PEBP4: variants seen among roughly 807,000 people sequenced by gnomAD.
PEBP4 encodes phosphatidylethanolamine binding protein 4.
In PEBP4, 22 loss-of-function variants were observed where a neutral mutation model predicts 23.9. The observed-to-expected ratio is 0.92, with a 90% CI of 0.66 to 1.31. PEBP4 has a LOEUF of 1.31. Ranked by LOEUF, PEBP4 falls within the 40% of genes most tolerant of loss-of-function variation. The pLI is 0.00. For missense variants in PEBP4, 324 were observed against 281.7 expected (o/e 1.15, Z -1.07); for synonymous variants, 112 against 99.3 (o/e 1.13, Z -0.76).
intron 3 of PEBP4, among the ~76,000 whole-genome samples, chr8:22,830,147 T>TGTGTGTGTGTGTGTGTGTGTG (rs1393564112): frequency 2.5e-5 from 2 of 80,942 alleles, no homozygotes; most frequent in African/African-American, 1.1e-4. Context: ...GTGTGTGTGT[T>TGTGTGTGTGTGTGTGTGTGTG]TTTACGGAGT....
intron 3 of PEBP4, among the ~76,000 whole-genome samples, chr8:22,919,972 A>G (rs551351802): frequency 1.3e-5 from 2 of 152,068 alleles, no homozygotes; most frequent in African/African-American, 4.8e-5. Flanking sequence ...CCATCACCAA[A>G]GTTTCCAGTC....
intron 3 of PEBP4, among the ~76,000 whole-genome samples, chr8:22,858,453 G>A (rs1807702216): frequency 6.6e-6 from 1 of 152,182 alleles, no homozygotes; most frequent in Middle Eastern, 3.2e-3. Context: ...ACTGTCAAAT[G>A]CTTGGCCCCA....
At chr8:22,792,894 C>T (rs902001163) in intron 4 of PEBP4, among the ~76,000 whole-genome samples, 1 of 152,194 alleles carries the variant, frequency 6.6e-6, no homozygotes, top group African/African-American at 2.4e-5. Context: ...CGAAAGAAAC[C>T]ACAGACTCCT....
At chr8:22,925,227 G>C in intron 2 of PEBP4, 1 of 985,396 alleles carries the variant, frequency 1.0e-6, no homozygotes, top group African/African-American at 1.7e-5. Flanking sequence ...ACATCTTCCT[G>C]GCATGCAACC....
chr8:22,759,401 CATA>C (rs1479727974), intron 4 of PEBP4, among the ~76,000 whole-genome samples: 1 of 151,912 alleles, frequency 6.6e-6, no homozygotes, highest in Non-Finnish European at 1.5e-5. Context: ...AAGCTCTCCC[CATA>C]ATAATGAAAG....
At chr8:22,815,324 G>A (rs1466590462) in intron 4 of PEBP4, among the ~76,000 whole-genome samples, 1 of 152,202 alleles carries the variant, frequency 6.6e-6, no homozygotes, top group Non-Finnish European at 1.5e-5. Flanking sequence ...GACCGACCGA[G>A]GTGGAAGTTC....
chr8:22,821,740 C>T (rs903914814), intron 3 of PEBP4, among the ~76,000 whole-genome samples: 1 of 151,724 alleles, frequency 6.6e-6, no homozygotes, highest in Non-Finnish European at 1.5e-5. Flanking sequence ...AATCCCAGCA[C>T]TTTGGGAGGC....
Position 22,898,389 on chromosome 8 carries a change from CCCAAAAAAAAAAAAAAAAAAA to C in PEBP4, c.258+21774_258+21794del, listed in dbSNP as rs1808634845. Among the ~76,000 whole-genome samples the C allele has an allele frequency of 4.0e-4, 35 of 86,688 alleles. 2 individuals are homozygous for C. The South Asian group carries it at 0.015, about 36-fold the overall frequency. 56.9% of individuals were successfully genotyped at this position (86,688 alleles called of 152,430 possible). A position where few individuals can be genotyped will look rare whatever the true frequency, so the allele number is the denominator to read the frequency against. On this transcript the variant is annotated intron_variant, in intron 3 of 6. Transcript: ENST00000256404. ...CCTGAGCGACAGAGGAAGACTCCAC[CCCAAAAAAAAAAAAAAAAAAA>C]AAAAAAAAAAAAAAAAAAAAACCCA...
At chr8:22,740,573 G>A (rs1427862305) in intron 4 of PEBP4, among the ~76,000 whole-genome samples, 2 of 152,118 alleles carry the variant, frequency 1.3e-5, no homozygotes, top group African/African-American at 4.8e-5. Flanking sequence ...AATTCCCCTG[G>A]GGTCTCTGGG....
chr8:22,935,366 C>G (rs541473075), intron 1 of PEBP4, among the ~76,000 whole-genome samples: 1 of 151,824 alleles, frequency 6.6e-6, no homozygotes, highest in African/African-American at 2.4e-5. Flanking sequence ...ACTAAAAATA[C>G]AAAAATTAGC....
chr8:22,792,107 C>A (rs944424461), intron 4 of PEBP4, among the ~76,000 whole-genome samples: 1 of 151,950 alleles, frequency 6.6e-6, no homozygotes, highest in Non-Finnish European at 1.5e-5. Flanking sequence ...GATCCACCTG[C>A]CCCAGCCTCC....
intron 3 of PEBP4, among the ~76,000 whole-genome samples, chr8:22,828,142 G>A (rs1176763236): frequency 6.6e-6 from 1 of 152,142 alleles, no homozygotes; most frequent in Non-Finnish European, 1.5e-5. Context: ...GAAAATGGAG[G>A]CAGCAGGGTG....
chr8:22,834,116 T>C (rs551419416), intron 3 of PEBP4, among the ~76,000 whole-genome samples: 205 of 152,300 alleles, frequency 1.3e-3, no homozygotes, highest in South Asian at 6.4e-3. Flanking sequence ...CAGCACCCAA[T>C]TGAGAAGCTG....
intron 4 of PEBP4, among the ~76,000 whole-genome samples, chr8:22,745,175 T>C (rs1805085972): frequency 6.6e-6 from 1 of 152,180 alleles, no homozygotes; most frequent in Non-Finnish European, 1.5e-5. Context: ...TCTTCCCAGC[T>C]CTCTCCTGGG....
chr8:22,724,770 C>T lies in PEBP4; in HGVS notation c.517+73G>A, dbSNP rs923470695. On this transcript the variant is annotated intron_variant, in intron 6 of 6. Transcript: ENST00000256404. ...GTGGGGGTCAAGGCCCCAATTTCCC[C>T]GTAAATGCCTGAAGCGTTTGTTCCA... 6.3e-5 allele frequency: 76 copies of T among 1,208,100 alleles called. 1 individual carries two copies. The highest frequency in any genetic ancestry group is 2.0e-4 in the South Asian group (16 of 78,600). 74.8% of individuals were successfully genotyped at this position (1,208,100 alleles called of 1,614,324 possible).
chr8:22,883,544 C>T (rs1206773992), intron 3 of PEBP4, among the ~76,000 whole-genome samples: 1 of 151,976 alleles, frequency 6.6e-6, no homozygotes, highest in Non-Finnish European at 1.5e-5. Flanking sequence ...GAAGGTGGCA[C>T]AAAATTAGTT....
chr8:22,935,358 T>C (rs1205181807), intron 1 of PEBP4, among the ~76,000 whole-genome samples: 1 of 151,778 alleles, frequency 6.6e-6, no homozygotes, highest in Non-Finnish European at 1.5e-5. Context: ...ATGTCTCTAC[T>C]AAAAATACAA....
chr8:22,883,026 AC>A (rs775812236), intron 3 of PEBP4, among the ~76,000 whole-genome samples: 1 of 151,714 alleles, frequency 6.6e-6, no homozygotes, highest in Non-Finnish European at 1.5e-5. Flanking sequence ...TGCGAGACAT[AC>A]CCCCTGCCTC....
chr8:22,762,103 T>A (rs1805520961), intron 4 of PEBP4, among the ~76,000 whole-genome samples: 1 of 143,942 alleles, frequency 6.9e-6, no homozygotes, highest in African/African-American at 2.6e-5. Context: ...GAAAAAAAAA[T>A]CACAATTTAA....
Sources: gnomAD v4.1 joint callset for allele counts (sites outside exome capture counted in the v4.1 genomes callset) on GRCh38, gnomAD v4.1.1 for gene constraint, MANE v1.5 for transcripts, NCBI Gene and HGNC (gene_info 2026-07-23, HGNC 2026-07-21) for gene names.